Variants in CDH18 observed in about 807,000 individuals in gnomAD.
CDH18 encodes cadherin-18.
A neutral mutation model predicts 67.9 loss-of-function variants in CDH18; 31 were observed. The observed-to-expected ratio is 0.46, with a 90% confidence interval of 0.34 to 0.62. The LOEUF is 0.62. CDH18 is among the 20% of genes least tolerant of loss of function. The pLI, the probability that CDH18 is intolerant of heterozygous loss-of-function variation, is 0.01. For synonymous variants in CDH18, 362 were observed against 347.2 expected (o/e 1.04, Z -0.48); for missense variants, 890 against 975.5 (o/e 0.91, Z 1.17).
chr5:19,620,360 A>T (rs1580534943), intron 5 of CDH18, among the ~76,000 whole-genome samples: 1 of 152,228 alleles, frequency 6.6e-6, no homozygotes, highest in South Asian at 2.1e-4. Context: ...AATGTCAATA[A>T]CTCCTCTCAG....
At chr5:20,025,898 G>T (rs1738853475) in intron 2 of CDH18, among the ~76,000 whole-genome samples, 1 of 152,026 alleles carries the variant, frequency 6.6e-6, no homozygotes, top group African/African-American at 2.4e-5. Flanking sequence ...TCATCTCTTG[G>T]TCCATTTTCC....
chr5:20,353,989 C>T (rs1047436942), intron 1 of CDH18, among the ~76,000 whole-genome samples: 13 of 152,120 alleles, frequency 8.5e-5, no homozygotes, highest in African/African-American at 3.1e-4. Flanking sequence ...AGGAGAAGCA[C>T]GTTTAGCTTC....
At chr5:19,811,462 A>C (rs897092862) in intron 3 of CDH18, among the ~76,000 whole-genome samples, 13 of 152,144 alleles carry the variant, frequency 8.5e-5, no homozygotes, top group African/African-American at 2.9e-4. Flanking sequence ...GACCTAGAAC[A>C]GATCTTTCCC....
intron 1 of CDH18, among the ~76,000 whole-genome samples, chr5:20,374,927 C>A (rs1172830960): frequency 1.3e-5 from 2 of 152,002 alleles, no homozygotes; most frequent in Non-Finnish European, 2.9e-5. Context: ...CTATTGATAA[C>A]CCTAGTAACA....
At chr5:20,361,425 C>T (rs115766949) in intron 1 of CDH18, among the ~76,000 whole-genome samples, 232 of 152,064 alleles carry the variant, frequency 1.5e-3, no homozygotes, top group African/African-American at 5.0e-3. Context: ...TTAATGTCTT[C>T]AATTGGAGTA....
intron 1 of CDH18, among the ~76,000 whole-genome samples, chr5:20,420,625 C>T (rs1057118799): frequency 6.6e-6 from 1 of 151,092 alleles, no homozygotes; most frequent in Non-Finnish European, 1.5e-5. Flanking sequence ...TTTCAAAAGA[C>T]ATAAATAAGG....
intron 1 of CDH18, among the ~76,000 whole-genome samples, chr5:20,501,238 C>CA (rs1754229442): frequency 6.6e-6 from 1 of 151,520 alleles, no homozygotes; most frequent in African/African-American, 2.4e-5. Context: ...ATGTAAATAA[C>CA]TGTGGAATTA....
rs543886360 is a variant in CDH18, at chr5:20,171,468, C to T, written c.-518+83976G>A. On this transcript the variant is annotated intron_variant, in intron 2 of 14. Coordinates refer to the CDH18 transcript ENST00000507958. Reference sequence around the variant, plus strand: ...TTTGCATTTCTCTAATGATCAGTGACATTGAGATTTTTTTTTTCATATGCT... The same window carrying T: ...TTTGCATTTCTCTAATGATCAGTGATATTGAGATTTTTTTTTTCATATGCT... Among the ~76,000 whole-genome samples, 166 of 151,900 alleles carry T rather than the reference C, an allele frequency of 1.1e-3. 1 individual carries two copies. Among genetic ancestry groups the T allele is most frequent in the South Asian group, 3.7e-3 (18 of 4,812 alleles).
rs1264276751 is a variant in CDH18, at chr5:19,630,338, C to T, written c.644-17737G>A. ...TCATTCATTAGTTATCAATGTGGCC[C>T]TTCCTTTGTTAATCTATATCCTATG... is the stretch of plus-strand genomic sequence containing the variant. On this transcript the variant is annotated intron_variant, in intron 5 of 12. Transcript: ENST00000382275. 6.6e-5 allele frequency among the ~76,000 whole-genome samples: 10 copies of T among 152,182 alleles called. No homozygotes were observed. The East Asian group carries it at 1.9e-3, about 29-fold the overall frequency.
intron 2 of CDH18, among the ~76,000 whole-genome samples, chr5:20,101,759 T>C (rs1746486616): frequency 6.6e-6 from 1 of 152,102 alleles, no homozygotes; most frequent in Non-Finnish European, 1.5e-5. Context: ...ACCAATCTGA[T>C]AATAGAAAGG....
At chr5:19,631,655 A>G (rs922001759) in intron 5 of CDH18, among the ~76,000 whole-genome samples, 4 of 128,682 alleles carry the variant, frequency 3.1e-5, no homozygotes, top group Admixed American at 2.5e-4. Flanking sequence ...AATTAAAGAC[A>G]AGATAATAAT....
intron 2 of CDH18, among the ~76,000 whole-genome samples, chr5:20,203,820 A>C (rs1739656345): frequency 6.6e-6 from 1 of 152,124 alleles, no homozygotes; most frequent in Non-Finnish European, 1.5e-5. Flanking sequence ...GAGTGTTCTG[A>C]CCAATAATTT....
At chr5:20,482,947 GA>G (rs1439603199) in intron 1 of CDH18, among the ~76,000 whole-genome samples, 5 of 151,692 alleles carry the variant, frequency 3.3e-5, no homozygotes, top group African/African-American at 9.7e-5. Context: ...TCAGACAAGA[GA>G]AAAAAATAAA....
intron 1 of CDH18, among the ~76,000 whole-genome samples, chr5:20,333,505 C>T (rs961963352): frequency 2.2e-4 from 26 of 116,226 alleles, no homozygotes; most frequent in African/African-American, 9.3e-4. Context: ...GACTCCATCT[C>T]AAAAAAAAAA....
chr5:19,627,041 T>C (rs1019796924), intron 5 of CDH18, among the ~76,000 whole-genome samples: 2 of 152,238 alleles, frequency 1.3e-5, no homozygotes, highest in Non-Finnish European at 2.9e-5. Flanking sequence ...TATTTATGTC[T>C]ACTTTATCTG....
intron 1 of CDH18, among the ~76,000 whole-genome samples, chr5:20,520,283 A>G (rs1265008322): frequency 6.6e-6 from 1 of 152,142 alleles, no homozygotes; most frequent in Non-Finnish European, 1.5e-5. Context: ...AAATGTTTCT[A>G]TAATTTCTGT....
At chr5:20,510,006 A>G (rs535590999) in intron 1 of CDH18, among the ~76,000 whole-genome samples, 3 of 152,242 alleles carry the variant, frequency 2.0e-5, no homozygotes, top group East Asian at 3.9e-4. Flanking sequence ...CATCATTCCC[A>G]CTGTCAGTGT....
At chr5:19,603,999 T>C (rs1312013188) in intron 6 of CDH18, among the ~76,000 whole-genome samples, 1 of 151,988 alleles carries the variant, frequency 6.6e-6, no homozygotes, top group Non-Finnish European at 1.5e-5. Flanking sequence ...TGTATCTGGA[T>C]GCACCATAGT....
At position 20,252,294 on chromosome 5, in the gene CDH18, T is replaced by C. The variant is rs1195647274; in HGVS notation, c.-518+3150A>G. Reference sequence around the variant, plus strand: ...TGAACCCAGGAGATGGAGGTTGCAGTGAGCCTAGATCACGCCACTGCACTC... The same window carrying C: ...TGAACCCAGGAGATGGAGGTTGCAGCGAGCCTAGATCACGCCACTGCACTC... On this transcript the variant is annotated intron_variant, in intron 2 of 14. Coordinates refer to the CDH18 transcript ENST00000507958. 4.6e-5 allele frequency among the ~76,000 whole-genome samples: 7 copies of C among 151,910 alleles called. No individual in the cohort carries two copies. In the East Asian group the frequency reaches 1.4e-3, roughly 30 times the overall value.
Sources: allele counts gnomAD v4.1 joint callset (sites outside exome capture counted in the v4.1 genomes callset), GRCh38; gene constraint gnomAD v4.1.1; transcripts MANE v1.5; gene names NCBI Gene and HGNC (gene_info 2026-07-23, HGNC 2026-07-21).